DHX57: variants seen among roughly 807,000 people sequenced by gnomAD.
DHX57 encodes DExH-box helicase 57, also known as putative ATP-dependent RNA helicase DHX57.
In DHX57, 105 loss-of-function variants were observed where a neutral mutation model predicts 156.2. The ratio of observed to expected loss-of-function variants is 0.67; its 90% CI spans 0.57 to 0.79. The LOEUF is 0.79. Among genes scored for constraint, DHX57 ranks in the 30% least tolerant of loss-of-function variants. The pLI is 0.00. For synonymous variants in DHX57, 704 were observed against 595.6 expected (o/e 1.18, Z -2.65); for missense variants, 1,847 against 1,661.9 (o/e 1.11, Z -1.94).
At chr2:38,829,947 TA>T (rs1489983758) in intron 13 of DHX57, among the ~76,000 whole-genome samples, 15 of 152,166 alleles carry the variant, frequency 9.9e-5, no homozygotes, top group Non-Finnish European at 2.2e-4. Flanking sequence ...TTAAATAAAA[TA>T]AGCATGAAAA....
chr2:38,836,543 G>T (rs1348150374), intron 13 of DHX57, among the ~76,000 whole-genome samples: 2 of 152,168 alleles, frequency 1.3e-5, no homozygotes, highest in African/African-American at 4.8e-5. Flanking sequence ...GGAGGCCAAG[G>T]TGGGTGGATC....
intron 19 of DHX57, among the ~76,000 whole-genome samples, chr2:38,817,239 C>T (rs984572523): frequency 6.6e-6 from 1 of 151,856 alleles, no homozygotes; most frequent in African/African-American, 2.4e-5. Context: ...GTCCCAAAAT[C>T]TTTGAGTAAA....
At chr2:38,857,402 C>T (rs535485653) in intron 6 of DHX57, among the ~76,000 whole-genome samples, 23 of 152,266 alleles carry the variant, frequency 1.5e-4, no homozygotes, top group African/African-American at 5.5e-4. Context: ...TCTGGCTATA[C>T]TTTTGAATAC....
chr2:38,859,869 C>T (rs933648676), intron 5 of DHX57, among the ~76,000 whole-genome samples: 8 of 150,454 alleles, frequency 5.3e-5, no homozygotes, highest in East Asian at 2.0e-4. Flanking sequence ...TCTCCAAGGC[C>T]GAAATGCAAT....
chr2:38,809,689 T>C (rs1168600911), intron 21 of DHX57, among the ~76,000 whole-genome samples: 2 of 152,094 alleles, frequency 1.3e-5, no homozygotes, highest in African/African-American at 2.4e-5. Flanking sequence ...GATCTTGAAC[T>C]CCTGACCTTG....
intron 17 of DHX57, among the ~76,000 whole-genome samples, chr2:38,821,948 T>C (rs1219574346): frequency 6.6e-6 from 1 of 152,058 alleles, no homozygotes; most frequent in East Asian, 1.9e-4. Flanking sequence ...TGACTCAAAA[T>C]GAAATAGACA....
At chr2:38,868,958 C>T (rs943581856) in intron 1 of DHX57, among the ~76,000 whole-genome samples, 1 of 152,088 alleles carries the variant, frequency 6.6e-6, no homozygotes, top group Non-Finnish European at 1.5e-5. Flanking sequence ...CCTGCCACCA[C>T]GCCCAGCTAA....
chr2:38,853,929 G>C, intron 9 of DHX57, 125 bp downstream of exon 9: 1 of 916,342 alleles, frequency 1.1e-6, no homozygotes, highest in African/African-American at 1.7e-5. Context: ...CTCTAACATA[G>C]GCCTTCCTTG....
rs1673175482 is a variant in DHX57, at chr2:38,861,152, C to A, written c.1258G>T (p.Glu420Ter). The change falls in exon 5 of 24, where the codon GAA (glutamate) becomes TAA (stop). Residue 420 changes from glutamate (E) to a stop codon, truncating the protein, a stop_gained. Coordinates refer to ENST00000457308, the MANE Select transcript of DHX57 (RefSeq NM_198963.3). LOFTEE classifies it high-confidence loss of function. ...SLITLLEEES[E>*]IVKLLTNTHH... Reference sequence around the variant, plus strand: ...GTATTCGTTAGTAACTTGACTATTTCCGACTCTTCCTCTAAAAGGGTTATC... The same window carrying A: ...GTATTCGTTAGTAACTTGACTATTTACGACTCTTCCTCTAAAAGGGTTATC... The A allele has an allele frequency of 6.2e-7, 1 of 1,614,150 alleles. No individual in the cohort carries two copies. Among genetic ancestry groups the A allele is most frequent in the Non-Finnish European group, 8.5e-7 (1 of 1,180,020 alleles).
intron 1 of DHX57, 42 bp downstream of exon 1, chr2:38,875,745 C>A (rs1665585174): frequency 6.4e-6 from 2 of 311,990 alleles, no homozygotes; most frequent in Non-Finnish European, 1.2e-5. Flanking sequence ...GCACACCGTG[C>A]GCACAACGCG....
chr2:38,806,347 CT>C, intron 22 of DHX57: 1 of 498,682 alleles, frequency 2.0e-6, no homozygotes. Flanking sequence ...GGCTTGAGTA[CT>C]TTTTGGTATT....
Position 38,862,224 on chromosome 2 carries a change from C to T in DHX57, c.493G>A (p.Glu165Lys), listed in dbSNP as rs1397344498. 3 of 1,613,946 alleles carry T rather than the reference C, an allele frequency of 1.9e-6. No homozygotes were observed. The South Asian group carries it at 3.3e-5, about 18-fold the overall frequency. ...TCCACTGAGGCTAAGCCAGCATATTCCAAAGGATCCAAGTCGGGAACGAGG... is the reference window on the plus strand; with the variant it reads ...TCCACTGAGGCTAAGCCAGCATATTTCAAAGGATCCAAGTCGGGAACGAGG... Reference protein sequence around the residue: ...PSLVPDLDPLEYAGLASVEPY... With the variant: ...PSLVPDLDPLKYAGLASVEPY... The change falls in exon 4 of 24, where the codon GAA becomes AAA. Residue 165 changes from glutamate to lysine, a missense_variant. Glu to Lys is a moderately conservative substitution (Grantham distance 56). Coordinates refer to ENST00000457308, the MANE Select transcript of DHX57 (RefSeq NM_198963.3).
rs747694353 is a variant in DHX57, at chr2:38,861,214, G to A, written c.1196C>T (p.Thr399Ile). 15 of 1,614,016 alleles carry A rather than the reference G, an allele frequency of 9.3e-6. No individual in the cohort carries two copies. Among genetic ancestry groups the A allele is most frequent in the Admixed American group, 1.7e-5 (1 of 59,998 alleles). ...GACAGGTTCCGAAGTTTCCGCAAAT[G>A]TCAAGGCCTTGTCATAAAGAAACTC... The part of the protein sequence containing the change: ...ISEFLYDKAL[T>I]FAETSEPVVY... The change falls in exon 5 of 24, where the codon ACA becomes ATA. Residue 399 changes from threonine (T) to isoleucine (I), a missense_variant. Transcript: ENST00000457308.
At chr2:38,863,591 C>A (rs1035904222) in intron 2 of DHX57, 72 bp from the exon 3 acceptor site, 2 of 1,415,786 alleles carry the variant, frequency 1.4e-6, no homozygotes, top group Non-Finnish European at 1.9e-6. Context: ...TCAGGGGTCC[C>A]CAGATATACA....
At chr2:38,863,319 G>A (rs775619684) in intron 3 of DHX57, 42 bp downstream of exon 3, 8 of 1,583,242 alleles carry the variant, frequency 5.1e-6, no homozygotes, top group Non-Finnish European at 6.9e-6. Context: ...CTGCCAGTAT[G>A]TTTTCCTTAA....
chr2:38,868,262 G>GCCACCT lies in DHX57; in HGVS notation c.138_143dup (p.Gly48_Gly49dup), dbSNP rs771913436. 4.1e-5 allele frequency: 66 copies of GCCACCT among 1,613,660 alleles called. 1 individual carries two copies. The East Asian group carries it at 1.0e-3, about 26-fold the overall frequency. On this transcript the variant is annotated inframe_insertion, in exon 2 of 24. Coordinates refer to ENST00000457308, the MANE Select transcript of DHX57 (RefSeq NM_198963.3). The stretch of plus-strand genomic sequence containing the variant: ...TTCTACTGGAGGCCTTTCTGTTGCC[G>GCCACCT]CCACCTCCACCACCACCACCACCGC...
At chr2:38,816,112 C>A (rs763529761) in intron 19 of DHX57, 1 of 471,482 alleles carries the variant, frequency 2.1e-6, no homozygotes, top group South Asian at 1.5e-5. Flanking sequence ...TAGAGTGGTT[C>A]GTGCTCTCAG....
intron 12 of DHX57, among the ~76,000 whole-genome samples, chr2:38,841,581 G>C (rs1433914819): frequency 6.6e-6 from 1 of 152,134 alleles, no homozygotes; most frequent in Non-Finnish European, 1.5e-5. Context: ...TGCAGAAAAA[G>C]GAAAATTCAT....
intron 9 of DHX57, among the ~76,000 whole-genome samples, chr2:38,849,997 T>G (rs1053585116): frequency 1.3e-4 from 20 of 152,196 alleles, no homozygotes; most frequent in Admixed American, 1.1e-3. Flanking sequence ...ATTGATGAGC[T>G]CTCCCACTAG....
Sources: gnomAD v4.1 joint callset for allele counts (sites outside exome capture counted in the v4.1 genomes callset) on GRCh38, gnomAD v4.1.1 for gene constraint, MANE v1.5 for transcripts, NCBI Gene and HGNC (gene_info 2026-07-23, HGNC 2026-07-21) for gene names.